The following PCDHGA2 variants were observed in gnomAD, a reference collection of about 807,000 sequenced individuals.
PCDHGA2 encodes protocadherin gamma subfamily A, 2.
A neutral mutation model predicts 59.2 loss-of-function variants in PCDHGA2; 40 were observed. That is an observed-to-expected ratio of 0.68 (90% CI 0.52 to 0.88). The LOEUF is 0.88. PCDHGA2 is among the 40% of genes least tolerant of loss of function. PCDHGA2 has a pLI of 0.00. For synonymous variants in PCDHGA2, 560 were observed against 526.0 expected (o/e 1.06, Z -0.89); for missense variants, 1,226 against 1,204.0 (o/e 1.02, Z -0.27).
intron 1 of PCDHGA2, chr5:141,383,991 A>G: frequency 6.2e-7 from 1 of 1,613,866 alleles, no homozygotes; most frequent in Non-Finnish European, 8.5e-7. Context: ...CTCTTGGGAC[A>G]GTCATTGCTC....
intron 1 of PCDHGA2, chr5:141,387,572 T>C (rs369703788): frequency 1.9e-4 from 92 of 480,688 alleles, no homozygotes; most frequent in Non-Finnish European, 2.3e-4. Flanking sequence ...CAATTATAAT[T>C]ATTGCACTGG....
At chr5:141,469,408 C>A (rs765861544) in intron 1 of PCDHGA2, among the ~76,000 whole-genome samples, 20 of 152,008 alleles carry the variant, frequency 1.3e-4, no homozygotes, top group Non-Finnish European at 2.6e-4. Flanking sequence ...AACCCCGTTT[C>A]TACTAAAAAT....
At position 141,384,450 on chromosome 5, in the gene PCDHGA2, G is replaced by A. The variant is rs756281053; in HGVS notation, c.2424+43055G>A. On this transcript the variant is annotated intron_variant, in intron 1 of 3. Coordinates refer to ENST00000394576, the MANE Select transcript of PCDHGA2 (RefSeq NM_018915.4). ...CTGACACTGGAGTCCTGTACGCGCT[G>A]CAATCCTTTGATTATGAGCAGTTGA... is the stretch of plus-strand genomic sequence containing the variant. 4 of 1,614,040 alleles carry A rather than the reference G, an allele frequency of 2.5e-6. No homozygotes were observed. In the Admixed American group the frequency reaches 6.7e-5, roughly 27 times the overall value.
intron 1 of PCDHGA2, chr5:141,366,682 C>A: frequency 6.2e-7 from 1 of 1,614,238 alleles, no homozygotes; most frequent in Non-Finnish European, 8.5e-7. Flanking sequence ...GTGAAGAGAG[C>A]TGTGAGAAAA....
intron 1 of PCDHGA2, among the ~76,000 whole-genome samples, chr5:141,481,692 G>T (rs1231630072): frequency 6.6e-6 from 1 of 152,020 alleles, no homozygotes; most frequent in African/African-American, 2.4e-5. Context: ...GGTGGCTCAC[G>T]CCTGTAATCC....
At chr5:141,410,196 C>T (rs773310778) in intron 1 of PCDHGA2, 3 of 1,613,984 alleles carry the variant, frequency 1.9e-6, no homozygotes, top group East Asian at 4.5e-5. Context: ...CTGGTCTTCG[C>T]AGACAACTTG....
rs776965684 is a variant in PCDHGA2, at chr5:141,355,402, T to A, written c.2424+14007T>A. 2.2e-5 allele frequency: 36 copies of A among 1,613,938 alleles called. No individual in the cohort carries two copies. The highest frequency in any genetic ancestry group is 1.6e-4 in the Middle Eastern group (1 of 6,082). ...GGCGGAGCGCGGAGTCCGCATCGTC[T>A]CCAGAGGTAGGACGCAGCTTTTCGC... is the stretch of plus-strand genomic sequence containing the variant. On this transcript the variant is annotated intron_variant, in intron 1 of 3. Coordinates refer to ENST00000394576, the MANE Select transcript of PCDHGA2 (RefSeq NM_018915.4).
chr5:141,339,703 G>T lies in PCDHGA2; in HGVS notation c.732G>T (p.Gln244His). ...DANDNAPVFT[Q>H]PEYRISIPEN... is the part of the protein sequence containing the mutation. ...ACGACAATGCGCCTGTTTTTACACAGCCCGAGTACCGCATAAGCATTCCGG... is the reference window on the plus strand; with the variant it reads ...ACGACAATGCGCCTGTTTTTACACATCCCGAGTACCGCATAAGCATTCCGG... The change falls in exon 1 of 4, where the codon CAG (glutamine) becomes CAT (histidine). Residue 244 changes from glutamine to histidine, a missense_variant. Physicochemically the swap from Gln to His is conservative, Grantham distance 24. Transcript: ENST00000394576. 6.2e-7 allele frequency: 1 copy of T among 1,614,158 alleles called. No individual in the cohort carries two copies. The highest frequency in any genetic ancestry group is 8.5e-7 in the Non-Finnish European group (1 of 1,180,032).
Position 141,491,000 on chromosome 5 carries a change from C to T in PCDHGA2, c.2425-3807C>T. 6.2e-7 allele frequency: 1 copy of T among 1,614,142 alleles called. No homozygotes were observed. The highest frequency in any genetic ancestry group is 1.1e-5 in the South Asian group (1 of 91,086). On this transcript the variant is annotated intron_variant, in intron 1 of 3. Transcript: ENST00000394576. The surrounding 1 kb of genome is among the most constrained non-coding windows in gnomAD (Gnocchi z 5.4). ...CTCCCTCGCTCTGCTCCTCCTGGCTCCTTGGTCACCAAGGTGACAGCCGTG... is the reference window on the plus strand; with the variant it reads ...CTCCCTCGCTCTGCTCCTCCTGGCTTCTTGGTCACCAAGGTGACAGCCGTG...
At chr5:141,360,499 A>G in intron 1 of PCDHGA2, 2 of 1,613,976 alleles carry the variant, frequency 1.2e-6, no homozygotes, top group Non-Finnish European at 1.7e-6. Flanking sequence ...CATAGCAGTA[A>G]TTGTGCAGGA....
At chr5:141,428,105 G>T in intron 1 of PCDHGA2, 4 of 1,608,184 alleles carry the variant, frequency 2.5e-6, no homozygotes, top group Non-Finnish European at 2.5e-6. Context: ...ACCACGTGCT[G>T]CAGGCCATCG....
At chr5:141,468,841 G>C (rs1189145481) in intron 1 of PCDHGA2, among the ~76,000 whole-genome samples, 3 of 152,014 alleles carry the variant, frequency 2.0e-5, no homozygotes, top group Non-Finnish European at 4.4e-5. Flanking sequence ...ACTCCAGCCT[G>C]GGCAACAGAG....
At chr5:141,362,395 C>T (rs1314760212) in intron 1 of PCDHGA2, 1 of 1,614,040 alleles carries the variant, frequency 6.2e-7, no homozygotes, top group Admixed American at 1.7e-5. Context: ...TTCCTACAAC[C>T]TGTGTGTTGC....
rs372168887 is a variant in PCDHGA2, at chr5:141,477,322, C to T, written c.2425-17485C>T. On this transcript the variant is annotated intron_variant, in intron 1 of 3. Transcript: ENST00000394576. The surrounding 1 kb of genome is among the most constrained non-coding windows in gnomAD (Gnocchi z 4.9). The stretch of plus-strand genomic sequence containing the variant: ...GTCTCCCTTTCAGCCTTACTTCTTC[C>T]CTCAAGAATTACTTCACTTTGAAAA... 17 of 1,614,050 alleles carry T rather than the reference C, an allele frequency of 1.1e-5. No homozygotes were observed. In the African/African-American group the frequency reaches 1.5e-4, roughly 14 times the overall value.
intron 1 of PCDHGA2, among the ~76,000 whole-genome samples, chr5:141,448,007 AC>A (rs1430481139): frequency 1.3e-5 from 2 of 151,784 alleles, no homozygotes; most frequent in Non-Finnish European, 2.9e-5. Context: ...AATCGCTTGA[AC>A]CCAGGAGGTG....
chr5:141,494,729 C>T (rs2099756368), intron 1 of PCDHGA2, 78 bp from the exon 2 acceptor site: 31 of 1,610,050 alleles, frequency 1.9e-5, no homozygotes, highest in Admixed American at 3.3e-5. Flanking sequence ...CCTTCTCTCC[C>T]GGCCCATCCC....
intron 1 of PCDHGA2, chr5:141,475,845 G>C: frequency 4.5e-6 from 2 of 448,002 alleles, no homozygotes; most frequent in Non-Finnish European, 7.9e-6. Context: ...TGCTCAGAGA[G>C]CCCGGCGCTA....
Position 141,360,493 on chromosome 5 carries a change from G to A in PCDHGA2, c.2424+19098G>A, listed in dbSNP as rs62621827. On this transcript the variant is annotated intron_variant, in intron 1 of 3. Transcript: ENST00000394576. ...AAATCCACTAAATATTTTCTACATA[G>A]CAGTAATTGTGCAGGATATAAATGA... 2,547 of 1,613,892 alleles carry A rather than the reference G, an allele frequency of 1.6e-3. 41 individuals are homozygous for A. In the African/African-American group the frequency reaches 0.029, roughly 18 times the overall value.
In PCDHGA2 at chr5:141,477,247, T is replaced by C; in HGVS notation, c.2425-17560T>C. On this transcript the variant is annotated intron_variant, in intron 1 of 3. Transcript: ENST00000394576. This position sits in a 1 kb window ranked among gnomAD's most constrained non-coding sequence, Gnocchi z 4.9. ...CTGTCATCGCTTTGCTCAGTGTGAC[T>C]GACCTGGATGCTGGCGAGAACGGGC... The C allele has an allele frequency of 6.2e-7, 1 of 1,614,208 alleles. No individual in the cohort carries two copies. Among genetic ancestry groups the C allele is most frequent in the Non-Finnish European group, 8.5e-7 (1 of 1,180,040 alleles).
Sources: allele counts gnomAD v4.1 joint callset (sites outside exome capture counted in the v4.1 genomes callset), GRCh38; gene constraint gnomAD v4.1.1; non-coding constraint Gnocchi (gnomAD v3.1); transcripts MANE v1.5; gene names NCBI Gene and HGNC (gene_info 2026-07-23, HGNC 2026-07-21).